ADARB2: variants seen among roughly 807,000 people sequenced by gnomAD.
ADARB2 encodes the protein adenosine deaminase RNA specific B2 (inactive).
ADARB2 carries 25 observed loss-of-function variants against 62.2 expected under a neutral mutation model. That is an observed-to-expected ratio of 0.40 (90% CI 0.29 to 0.56). ADARB2 has a LOEUF of 0.56. Ranked by LOEUF, ADARB2 falls within the 20% of genes least tolerant of loss-of-function variation. The pLI is 0.43. For synonymous variants in ADARB2, 572 were observed against 500.8 expected (o/e 1.14, Z -1.90); for missense variants, 1,071 against 1,077.4 (o/e 0.99, Z 0.08).
intron 1 of ADARB2, among the ~76,000 whole-genome samples, chr10:1,543,075 G>C (rs1386515178): frequency 6.6e-6 from 1 of 152,260 alleles, no homozygotes; most frequent in Non-Finnish European, 1.5e-5. Flanking sequence ...CGGCTTCCCT[G>C]CCTGGGTTGT....
At chr10:1,640,549 C>G (rs1015531679) in intron 1 of ADARB2, among the ~76,000 whole-genome samples, 2 of 152,136 alleles carry the variant, frequency 1.3e-5, no homozygotes, top group Non-Finnish European at 2.9e-5. Flanking sequence ...GGCGGATGCT[C>G]TAAACTAAAC....
intron 1 of ADARB2, among the ~76,000 whole-genome samples, chr10:1,421,057 C>T (rs1321551122): frequency 6.6e-6 from 1 of 152,024 alleles, no homozygotes; most frequent in Non-Finnish European, 1.5e-5. Context: ...CCAGGGGGAG[C>T]TCGAAGCTCT....
chr10:1,653,177 T>C (rs1834131987), intron 1 of ADARB2, among the ~76,000 whole-genome samples: 1 of 151,906 alleles, frequency 6.6e-6, no homozygotes, highest in African/African-American at 2.4e-5. Flanking sequence ...CCAGGGGAAA[T>C]ATGGGGCTGC....
chr10:1,484,261 ACAGT>A (rs1176352348), intron 1 of ADARB2, among the ~76,000 whole-genome samples: 2 of 152,256 alleles, frequency 1.3e-5, no homozygotes, highest in Non-Finnish European at 2.9e-5. Flanking sequence ...GTGTGCAAAA[ACAGT>A]CAGAGCTAAA....
rs781626081 is a variant in ADARB2, at chr10:1,233,709, C to T, written c.1498G>A (p.Glu500Lys). ...GGTCTCTTACGGTCTGTGGTGATCTCGTAGGGAGAGTGGAGTCTTGCGTCT... is the reference window on the plus strand; with the variant it reads ...GGTCTCTTACGGTCTGTGGTGATCTTGTAGGGAGAGTGGAGTCTTGCGTCT... ...CGDARLHSPYEITTDLHSSKH... is the reference protein window; with the variant it reads ...CGDARLHSPYKITTDLHSSKH... Residue 500 changes from glutamate to lysine, a missense_variant, in exon 6 of 10, where the codon GAG (glutamate) becomes AAG (lysine). Glu to Lys is a moderately conservative substitution (Grantham distance 56, BLOSUM62 1). Transcript: ENST00000381312. 17 of 1,613,512 alleles carry T rather than the reference C, an allele frequency of 1.1e-5. No homozygotes were observed. The highest frequency in any genetic ancestry group is 3.3e-4 in the Middle Eastern group (2 of 6,058).
Position 1,255,315 on chromosome 10 carries a change from G to C in ADARB2, c.1193-13016C>G, listed in dbSNP as rs372672269. The stretch of plus-strand genomic sequence containing the variant: ...AGGAAATGAGGCAATCACTGGCCCT[G>C]GGTGCCACGTCACGTAGCTTGTCCT... On this transcript the variant is annotated intron_variant, in intron 4 of 9. Coordinates refer to ENST00000381312, the MANE Select transcript of ADARB2 (RefSeq NM_018702.4). The surrounding 1 kb of genome is among the most constrained non-coding windows in gnomAD (Gnocchi z 4.7). 1.7e-4 allele frequency among the ~76,000 whole-genome samples: 26 copies of C among 152,344 alleles called. No individual in the cohort carries two copies. The highest frequency in any genetic ancestry group is 6.0e-4 in the African/African-American group (25 of 41,580).
chr10:1,334,721 T>C (rs1237569989), intron 3 of ADARB2, among the ~76,000 whole-genome samples: 1 of 147,120 alleles, frequency 6.8e-6, no homozygotes, highest in Non-Finnish European at 1.5e-5. Context: ...GAGTTAAAAT[T>C]AGCCTCTTAT....
At chr10:1,263,441 A>T (rs1232429783) in intron 4 of ADARB2, among the ~76,000 whole-genome samples, 1 of 152,214 alleles carries the variant, frequency 6.6e-6, no homozygotes, top group African/African-American at 2.4e-5. Context: ...AAAAAGACTC[A>T]TAGTCAAAGA....
At chr10:1,465,355 G>A (rs1159539429) in intron 1 of ADARB2, among the ~76,000 whole-genome samples, 1 of 152,222 alleles carries the variant, frequency 6.6e-6, no homozygotes, top group Non-Finnish European at 1.5e-5. Flanking sequence ...GAATTTTCCT[G>A]TGTGTTAACG....
chr10:1,219,714 G>C (rs909425971), intron 6 of ADARB2, among the ~76,000 whole-genome samples: 3 of 152,220 alleles, frequency 2.0e-5, no homozygotes, highest in Middle Eastern at 3.4e-3. Context: ...TGGTGGTGAT[G>C]GTGTTAATGG....
At chr10:1,462,476 G>T (rs187191185) in intron 1 of ADARB2, among the ~76,000 whole-genome samples, 41 of 152,384 alleles carry the variant, frequency 2.7e-4, no homozygotes, top group Non-Finnish European at 4.3e-4. Context: ...GAGGCTGGGG[G>T]CTTGAGAGTT....
At chr10:1,286,755 G>A (rs138228611) in intron 3 of ADARB2, among the ~76,000 whole-genome samples, 2 of 152,234 alleles carry the variant, frequency 1.3e-5, no homozygotes, top group East Asian at 1.9e-4. Context: ...AGAGATGTAC[G>A]CCTGCAGCAT....
At chr10:1,646,115 G>A (rs929931127) in intron 1 of ADARB2, among the ~76,000 whole-genome samples, 11 of 152,182 alleles carry the variant, frequency 7.2e-5, no homozygotes, top group Non-Finnish European at 2.9e-5. Flanking sequence ...ACTCTACAAG[G>A]TGCACACAGG....
intron 1 of ADARB2, among the ~76,000 whole-genome samples, chr10:1,410,198 G>A (rs1279493422): frequency 2.0e-5 from 3 of 147,974 alleles, no homozygotes; most frequent in Admixed American, 2.0e-4. Flanking sequence ...CATGGGGAAG[G>A]ATTCCCAGTG....
intron 1 of ADARB2, among the ~76,000 whole-genome samples, chr10:1,486,303 T>C (rs1831542311): frequency 6.6e-6 from 1 of 152,106 alleles, no homozygotes; most frequent in Non-Finnish European, 1.5e-5. Flanking sequence ...GGTTTATCTG[T>C]TTGGGAGATG....
chr10:1,295,551 C>T (rs1459856581), intron 3 of ADARB2, among the ~76,000 whole-genome samples: 1 of 151,920 alleles, frequency 6.6e-6, no homozygotes, highest in Admixed American at 6.6e-5. Context: ...GTGCCGCTCT[C>T]TCTGGTGGTG....
At chr10:1,514,573 C>T (rs564314996) in intron 1 of ADARB2, among the ~76,000 whole-genome samples, 1 of 152,056 alleles carries the variant, frequency 6.6e-6, no homozygotes, top group African/African-American at 2.4e-5. Flanking sequence ...GTGTCCAGAT[C>T]TGGGATGTCC....
At chr10:1,450,941 G>A (rs1351937343) in intron 1 of ADARB2, among the ~76,000 whole-genome samples, 1 of 152,236 alleles carries the variant, frequency 6.6e-6, no homozygotes, top group Non-Finnish European at 1.5e-5. Context: ...CACACAGTCA[G>A]ATGTGCTGTC....
intron 1 of ADARB2, among the ~76,000 whole-genome samples, chr10:1,487,418 A>T (rs944797480): frequency 9.9e-5 from 15 of 152,216 alleles, no homozygotes; most frequent in African/African-American, 3.4e-4. Context: ...TGGGAGCTGG[A>T]CTTCTTTATA....
Sources: gnomAD v4.1 joint callset for allele counts (sites outside exome capture counted in the v4.1 genomes callset) on GRCh38, gnomAD v4.1.1 for gene constraint, Gnocchi (gnomAD v3.1) non-coding constraint, MANE v1.5 for transcripts, NCBI Gene and HGNC (gene_info 2026-07-23, HGNC 2026-07-21) for gene names.